STAB2: variants seen among roughly 807,000 people sequenced by gnomAD.
STAB2 encodes the protein stabilin 2, also known as stabilin-2.
Under a neutral mutation model 338.1 loss-of-function variants are expected in STAB2, and 288 were observed. The ratio of observed to expected loss-of-function variants is 0.85; its 90% CI spans 0.77 to 0.94. The LOEUF (loss-of-function observed/expected upper bound fraction) is 0.94. Ranked by LOEUF, STAB2 falls within the 40% of genes least tolerant of loss-of-function variation. The probability of loss-of-function intolerance (pLI) is 0.00; values close to 1 mark genes in which losing one functional copy is unlikely to be tolerated. For missense variants in STAB2, 3,141 were observed against 3,210.1 expected, an observed-to-expected ratio of 0.98 and a Z score of 0.52; for synonymous variants, 1,202 against 1,193.3, an observed-to-expected ratio of 1.01 and a Z score of -0.15.
chr12:103,608,365 A>G (rs1391451155), intron 3 of STAB2, among the ~76,000 whole-genome samples: 1 of 152,062 alleles, frequency 6.6e-6, no homozygotes, highest in African/African-American at 2.4e-5. Flanking sequence ...GATGGTCTCA[A>G]TCTCCTGACC....
chr12:103,748,584 C>CCACA lies in STAB2; in HGVS notation c.6245-362_6245-359dup, dbSNP rs34364589. 8.2e-4 allele frequency among the ~76,000 whole-genome samples: 117 copies of CCACA among 141,886 alleles called. 1 individual carries two copies. The highest frequency in any genetic ancestry group is 3.5e-3 in the Middle Eastern group (1 of 286). 93.1% of individuals were successfully genotyped at this position (141,886 alleles called of 152,430 possible). ...TGCTCAATATTGTACTAACTCTACA[C>CCACA]CACACACACACACACACACATACAC... On this transcript the variant is annotated intron_variant, in intron 58 of 68. Transcript: ENST00000388887.
intron 39 of STAB2, among the ~76,000 whole-genome samples, chr12:103,710,449 C>T (rs11111722): frequency 0.13 from 19,741 of 152,206 alleles, 2,680 homozygotes; most frequent in African/African-American, 0.34. Context: ...CTCCTCGCTC[C>T]TAAGTCCACA....
chr12:103,619,757 C>G (rs867724072), intron 3 of STAB2, among the ~76,000 whole-genome samples: 3 of 128,652 alleles, frequency 2.3e-5, no homozygotes, highest in East Asian at 3.1e-4. Context: ...ACGCCCCCCG[C>G]CCCCGCCACC....
chr12:103,597,749 A>T (rs1956898113), intron 3 of STAB2, among the ~76,000 whole-genome samples: 1 of 152,122 alleles, frequency 6.6e-6, no homozygotes, highest in African/African-American at 2.4e-5. Context: ...TCTATTTGGG[A>T]TGAAATCGAT....
chr12:103,750,174 A>G (rs545337384), intron 59 of STAB2, among the ~76,000 whole-genome samples: 1 of 152,348 alleles, frequency 6.6e-6, no homozygotes, highest in South Asian at 2.1e-4. Flanking sequence ...GTTACAACAA[A>G]AAGACAGAGT....
chr12:103,725,179 T>C (rs1293941711), intron 45 of STAB2, 85 bp downstream of exon 45: 9 of 1,546,352 alleles, frequency 5.8e-6, no homozygotes, highest in Admixed American at 3.9e-5. Context: ...ATTTAAGAGC[T>C]TGGTGAAATG....
At chr12:103,635,548 C>G (rs1593166583) in intron 6 of STAB2, among the ~76,000 whole-genome samples, 1 of 152,222 alleles carries the variant, frequency 6.6e-6, no homozygotes, top group Non-Finnish European at 1.5e-5. Flanking sequence ...GCAGCACAGC[C>G]AGGAGCCCCA....
chr12:103,617,185 G>A (rs571159570), intron 3 of STAB2, among the ~76,000 whole-genome samples: 7 of 152,268 alleles, frequency 4.6e-5, no homozygotes, highest in African/African-American at 1.7e-4. Context: ...CCTTATCCCA[G>A]TCCATCAATC....
intron 61 of STAB2, among the ~76,000 whole-genome samples, chr12:103,753,759 G>A (rs529453980): frequency 6.6e-6 from 1 of 152,354 alleles, no homozygotes; most frequent in African/African-American, 2.4e-5. Flanking sequence ...CAAGGCAGAA[G>A]TGGAGACTGG....
intron 25 of STAB2, 48 bp downstream of exon 25, chr12:103,677,659 G>T (rs377014318): frequency 6.3e-7 from 1 of 1,579,662 alleles, no homozygotes; most frequent in Non-Finnish European, 8.7e-7. Context: ...ATCCTGCAGT[G>T]ACTTTGCTTT....
chr12:103,627,115 A>C (rs1957392565), intron 5 of STAB2, among the ~76,000 whole-genome samples: 1 of 152,188 alleles, frequency 6.6e-6, no homozygotes, highest in South Asian at 2.1e-4. Context: ...GAAGAAGCAG[A>C]GAGGGTTGCT....
rs761005471 is a variant in STAB2, at chr12:103,675,928, T to C, written c.2553T>C (p.Ser851=). ...ATCEYSNGTA[S]CICKAGYEGD... is the part of the protein sequence containing the mutation. ...TGATATTGCACACTCTCCTTTGCAG[T>C]TGTATTTGCAAAGCAGGATATGAAG... The change falls in exon 24 of 69, where the codon AGT becomes AGC. Residue 851 remains serine, a splice_region_variant and synonymous_variant. Transcript: ENST00000388887. 6 of 1,610,018 alleles carry C rather than the reference T, an allele frequency of 3.7e-6. No individual in the cohort carries two copies. Among genetic ancestry groups the C allele is most frequent in the Non-Finnish European group, 5.1e-6 (6 of 1,177,614 alleles).
In STAB2 at chr12:103,587,461, G is replaced by A. The variant is rs760480733; in HGVS notation, c.-16G>A. On this transcript the variant is annotated 5_prime_UTR_variant, in exon 1 of 69. Coordinates refer to ENST00000388887, the MANE Select transcript of STAB2 (RefSeq NM_017564.10). Reference sequence around the variant, plus strand: ...CTGACAGGTGCTTGGCACAGAGAAGGAGCAAATATTTCCTCATGATGCTAC... The same window carrying A: ...CTGACAGGTGCTTGGCACAGAGAAGAAGCAAATATTTCCTCATGATGCTAC... 2 of 1,610,468 alleles carry A rather than the reference G, an allele frequency of 1.2e-6. No individual in the cohort carries two copies. The highest frequency in any genetic ancestry group is 1.7e-6 in the Non-Finnish European group (2 of 1,177,424).
At position 103,695,480 on chromosome 12, in the gene STAB2, C is replaced by T. The variant is rs571884463; in HGVS notation, c.3376-70C>T. 2.4e-4 allele frequency: 345 copies of T among 1,447,720 alleles called. 1 individual carries two copies. Among genetic ancestry groups the T allele is most frequent in the Non-Finnish European group, 3.2e-4 (332 of 1,037,298 alleles). 89.7% of individuals were successfully genotyped at this position (1,447,720 alleles called of 1,614,324 possible). A position where few individuals can be genotyped will look rare whatever the true frequency, so the allele number is the denominator to read the frequency against. ...CTAAAGAGGTTAATGGCATTAGACT[C>T]TCCTATGTATCGAAAAGCAGTAGGT... On this transcript the variant is annotated intron_variant, in intron 31 of 68. Transcript: ENST00000388887.
intron 5 of STAB2, among the ~76,000 whole-genome samples, chr12:103,630,350 G>T (rs1380668937): frequency 6.6e-6 from 1 of 152,182 alleles, no homozygotes; most frequent in African/African-American, 2.4e-5. Context: ...TTGCTTTGCT[G>T]GTATTTCTGG....
At chr12:103,718,944 G>T (rs1482922632) in intron 44 of STAB2, among the ~76,000 whole-genome samples, 1 of 152,138 alleles carries the variant, frequency 6.6e-6, no homozygotes, top group East Asian at 1.9e-4. Context: ...GTAGGATATT[G>T]TTGACACACT....
chr12:103,739,532 T>TG (rs1882411577), intron 54 of STAB2, 64 bp downstream of exon 54: 1 of 199,428 alleles, frequency 5.0e-6, no homozygotes, highest in Admixed American at 1.5e-4. Flanking sequence ...CAGACCTGTG[T>TG]GTGTGTGTGT....
At chr12:103,626,905 G>A (rs961460944) in intron 5 of STAB2, among the ~76,000 whole-genome samples, 16 of 152,188 alleles carry the variant, frequency 1.1e-4, no homozygotes, top group African/African-American at 3.9e-4. Flanking sequence ...AGCCTGCTCA[G>A]TGCCTCCTTC....
intron 5 of STAB2, among the ~76,000 whole-genome samples, chr12:103,625,368 T>G (rs1957364996): frequency 6.6e-6 from 1 of 152,218 alleles, no homozygotes; most frequent in African/African-American, 2.4e-5. Flanking sequence ...CACCTAAATT[T>G]TTTTTTTATA....
Sources: allele counts gnomAD v4.1 joint callset (sites outside exome capture counted in the v4.1 genomes callset), GRCh38; gene constraint gnomAD v4.1.1; transcripts MANE v1.5; gene names NCBI Gene and HGNC (gene_info 2026-07-23, HGNC 2026-07-21).